RABGAP1L: variants seen among roughly 807,000 people sequenced by gnomAD.
RABGAP1L encodes RAB GTPase activating protein 1 like.
A neutral mutation model predicts 137.7 loss-of-function variants in RABGAP1L; 63 were observed. That is an observed-to-expected ratio of 0.46 (90% CI 0.37 to 0.56). RABGAP1L has a LOEUF of 0.56. Among genes scored for constraint, RABGAP1L ranks in the 20% least tolerant of loss-of-function variants. RABGAP1L has a pLI of 0.00. For missense variants in RABGAP1L, 1,095 were observed against 1,244.0 expected, an observed-to-expected ratio of 0.88 and a Z score of 1.80; for synonymous variants, 431 against 433.7, an observed-to-expected ratio of 0.99 and a Z score of 0.08.
chr1:174,550,018 G>C (rs1430915328), intron 13 of RABGAP1L, among the ~76,000 whole-genome samples: 1 of 151,660 alleles, frequency 6.6e-6, no homozygotes, highest in Admixed American at 6.6e-5. Context: ...CTTCAGCTTG[G>C]GCATCATAGT....
chr1:174,861,272 T>C (rs748085750), intron 19 of RABGAP1L, among the ~76,000 whole-genome samples: 1 of 152,224 alleles, frequency 6.6e-6, no homozygotes, highest in Admixed American at 6.5e-5. Context: ...CAAGATTTCC[T>C]TCTTTTTTAT....
intron 11 of RABGAP1L, among the ~76,000 whole-genome samples, chr1:174,329,955 A>T (rs1249693454): frequency 6.6e-6 from 1 of 152,096 alleles, no homozygotes; most frequent in Non-Finnish European, 1.5e-5. Context: ...CCTGCAAAAA[A>T]AAAAAAATTG....
At chr1:174,671,016 A>G (rs1677137531) in intron 14 of RABGAP1L, among the ~76,000 whole-genome samples, 1 of 152,168 alleles carries the variant, frequency 6.6e-6, no homozygotes, top group East Asian at 1.9e-4. Context: ...CCAACAGTGT[A>G]TAAAGGTACC....
At chr1:174,646,150 C>A (rs969867271) in intron 14 of RABGAP1L, among the ~76,000 whole-genome samples, 4 of 152,110 alleles carry the variant, frequency 2.6e-5, no homozygotes, top group African/African-American at 7.2e-5. Context: ...AATTTTCTCC[C>A]ATTCTGTAGG....
chr1:174,928,924 CCTAATTGTCTTGT>C (rs1289807740), intron 19 of RABGAP1L, among the ~76,000 whole-genome samples: 3 of 152,074 alleles, frequency 2.0e-5, no homozygotes, highest in African/African-American at 7.2e-5. Flanking sequence ...AAATATCTTT[CCTAATTGTCTTGT>C]CATGTTTTTC....
At chr1:174,959,792 C>T (rs1286551330) in intron 20 of RABGAP1L, among the ~76,000 whole-genome samples, 1 of 152,136 alleles carries the variant, frequency 6.6e-6, no homozygotes, top group African/African-American at 2.4e-5. Flanking sequence ...ATTACATCTT[C>T]AAGGTGGCAG....
chr1:174,989,721 T>C, intron 25 of RABGAP1L, 128 bp from the exon 26 acceptor site: 1 of 985,114 alleles, frequency 1.0e-6, no homozygotes, highest in South Asian at 1.7e-5. Flanking sequence ...ATTCAATCTC[T>C]CCTGGGTTTT....
intron 15 of RABGAP1L, among the ~76,000 whole-genome samples, 194 bp from the exon 16 acceptor site, chr1:174,699,331 T>A (rs1247486049): frequency 6.6e-6 from 1 of 152,168 alleles, no homozygotes; most frequent in African/African-American, 2.4e-5. Context: ...ACAACATGAT[T>A]AAAATTAACA....
At chr1:174,165,687 C>T (rs541763149) in intron 1 of RABGAP1L, among the ~76,000 whole-genome samples, 10 of 151,980 alleles carry the variant, frequency 6.6e-5, no homozygotes, top group Non-Finnish European at 1.3e-4. Flanking sequence ...CTTGTAGAGA[C>T]GGGGTCTCAT....
chr1:174,938,890 A>G (rs1474761321), intron 19 of RABGAP1L, among the ~76,000 whole-genome samples: 1 of 152,150 alleles, frequency 6.6e-6, no homozygotes, highest in Non-Finnish European at 1.5e-5. Flanking sequence ...GCCTCCCCAC[A>G]GTTTCCATAG....
intron 13 of RABGAP1L, among the ~76,000 whole-genome samples, chr1:174,486,611 G>A (rs1659687326): frequency 6.6e-6 from 1 of 151,882 alleles, no homozygotes; most frequent in Non-Finnish European, 1.5e-5. Flanking sequence ...CTCCCAAAGT[G>A]CTGGGATTAC....
intron 18 of RABGAP1L, among the ~76,000 whole-genome samples, chr1:174,783,315 G>A (rs538639902): frequency 2.6e-5 from 4 of 152,172 alleles, no homozygotes; most frequent in Middle Eastern, 3.4e-3. Context: ...CTATAACACC[G>A]CATGGCCCAA....
intron 13 of RABGAP1L, among the ~76,000 whole-genome samples, chr1:174,529,336 T>C (rs1664192147): frequency 6.6e-6 from 1 of 152,186 alleles, no homozygotes; most frequent in South Asian, 2.1e-4. Context: ...ATGTTGGTTT[T>C]TTAGGACACT....
intron 15 of RABGAP1L, among the ~76,000 whole-genome samples, chr1:174,696,711 C>T (rs1187416954): frequency 6.6e-6 from 1 of 152,164 alleles, no homozygotes; most frequent in African/African-American, 2.4e-5. Flanking sequence ...TTCCCAAGTG[C>T]ATGGATTCTT....
intron 8 of RABGAP1L, among the ~76,000 whole-genome samples, chr1:174,274,606 C>CTGTG (rs61468070): frequency 0.11 from 15,694 of 146,002 alleles, 976 homozygotes; most frequent in East Asian, 0.3. Context: ...ACAGGTGACT[C>CTGTG]TGTGTGTGTG....
At chr1:174,748,716 GA>G (rs890419714) in intron 17 of RABGAP1L, among the ~76,000 whole-genome samples, 8 of 149,638 alleles carry the variant, frequency 5.3e-5, no homozygotes, top group South Asian at 2.1e-4. Context: ...CAAAAAAAAA[GA>G]AAAAAAAATT....
At chr1:174,405,776 G>A (rs1479670199) in intron 13 of RABGAP1L, among the ~76,000 whole-genome samples, 3 of 152,024 alleles carry the variant, frequency 2.0e-5, no homozygotes, top group African/African-American at 7.2e-5. Context: ...CTAGGAGTTC[G>A]AGACCAGCCT....
intron 13 of RABGAP1L, among the ~76,000 whole-genome samples, chr1:174,520,582 A>C (rs373398443): frequency 8.5e-5 from 13 of 152,244 alleles, no homozygotes; most frequent in African/African-American, 3.1e-4. Context: ...TAAAAAATTC[A>C]TTGTTTGAAA....
chr1:174,871,118 G>A (rs575739480), intron 19 of RABGAP1L, among the ~76,000 whole-genome samples: 1 of 151,766 alleles, frequency 6.6e-6, no homozygotes, highest in Non-Finnish European at 1.5e-5. Flanking sequence ...TCCCCCTTAT[G>A]CACATTATAA....
Sources: allele counts gnomAD v4.1 joint callset (sites outside exome capture counted in the v4.1 genomes callset), GRCh38; gene constraint gnomAD v4.1.1; transcripts MANE v1.5; gene names NCBI Gene and HGNC (gene_info 2026-07-23, HGNC 2026-07-21).